Variants in RGL1 observed in about 807,000 individuals in gnomAD.
RGL1 encodes ral guanine nucleotide dissociation stimulator like 1.
A neutral mutation model predicts 95.2 loss-of-function variants in RGL1; 24 were observed. The observed-to-expected ratio is 0.25, with a 90% confidence interval of 0.18 to 0.35. The LOEUF (loss-of-function observed/expected upper bound fraction) is 0.35. Among genes scored for constraint, RGL1 ranks in the 10% least tolerant of loss-of-function variants. The pLI is 1.00. For missense variants in RGL1, 715 were observed against 936.3 expected (o/e 0.76, Z 3.08); for synonymous variants, 329 against 344.9 (o/e 0.95, Z 0.51).
chr1:183,786,003 A>G (rs1365063328), intron 2 of RGL1, among the ~76,000 whole-genome samples: 1 of 152,000 alleles, frequency 6.6e-6, no homozygotes, highest in Non-Finnish European at 1.5e-5. Context: ...GCTTGAGCCC[A>G]GGAGTTTGAT....
At chr1:183,814,135 A>G (rs193200091) in intron 2 of RGL1, among the ~76,000 whole-genome samples, 1 of 152,366 alleles carries the variant, frequency 6.6e-6, no homozygotes, top group African/African-American at 2.4e-5. Flanking sequence ...GACTAAAAGT[A>G]GAACAAGCTT....
At chr1:183,649,109 G>T (rs75901258) in intron 1 of RGL1, among the ~76,000 whole-genome samples, 1 of 152,180 alleles carries the variant, frequency 6.6e-6, no homozygotes. Context: ...ATTTGGGCTT[G>T]GCCAATTATC....
chr1:183,888,641 C>G (rs1282319721), intron 8 of RGL1, 64 bp downstream of exon 8: 21 of 971,542 alleles, frequency 2.2e-5, no homozygotes, highest in Non-Finnish European at 3.5e-5. Flanking sequence ...GTGATGAGTC[C>G]TCACCTTCAA....
chr1:183,710,720 C>T (rs557790676), intron 1 of RGL1, among the ~76,000 whole-genome samples: 1 of 152,240 alleles, frequency 6.6e-6, no homozygotes, highest in Admixed American at 6.5e-5. Context: ...TTTGAAGTAT[C>T]AGATCTCATG....
At chr1:183,727,235 T>C (rs1297197062) in intron 1 of RGL1, among the ~76,000 whole-genome samples, 1 of 152,154 alleles carries the variant, frequency 6.6e-6, no homozygotes, top group Non-Finnish European at 1.5e-5. Context: ...TTCATCTTAT[T>C]GTCATAATGG....
At position 183,866,017 on chromosome 1, in the gene RGL1, A is replaced by T; in HGVS notation, c.369A>T (p.Pro123=). The change falls in exon 4 of 18, where the codon CCA becomes CCT. Residue 123 remains proline (P), a synonymous_variant. Coordinates refer to ENST00000360851, the MANE Select transcript of RGL1 (RefSeq NM_001297671.3). ...ACAGGTATGGAAACCTGACAAGCCC[A>T]AACTGTGAAGAAGATGGAAGCCAAA... The part of the protein sequence containing the change: ...LLDRYGNLTS[P]NCEEDGSQSS... 6.2e-7 allele frequency: 1 copy of T among 1,613,968 alleles called. No individual in the cohort carries two copies. The highest frequency in any genetic ancestry group is 8.5e-7 in the Non-Finnish European group (1 of 1,179,894).
intron 14 of RGL1, among the ~76,000 whole-genome samples, chr1:183,907,763 T>C (rs1668420159): frequency 6.6e-6 from 1 of 152,172 alleles, no homozygotes; most frequent in Admixed American, 6.6e-5. Flanking sequence ...ATGCTCGCAG[T>C]TGTATTGCCT....
chr1:183,792,909 C>A (rs755240466), intron 2 of RGL1, among the ~76,000 whole-genome samples: 4 of 151,944 alleles, frequency 2.6e-5, no homozygotes, highest in Admixed American at 6.6e-5. Context: ...TAATCCCTAC[C>A]AAAATACCAA....
intron 1 of RGL1, among the ~76,000 whole-genome samples, chr1:183,658,130 C>T (rs1169956417): frequency 4.6e-5 from 7 of 152,100 alleles, no homozygotes; most frequent in African/African-American, 1.2e-4. Flanking sequence ...GCGTGAGCGA[C>T]GCAGAAGATG....
chr1:183,687,648 T>C (rs952977759), intron 1 of RGL1, among the ~76,000 whole-genome samples: 4 of 152,094 alleles, frequency 2.6e-5, no homozygotes, highest in East Asian at 1.9e-4. Flanking sequence ...GAAGAAACTT[T>C]TGCTGGTTGA....
intron 1 of RGL1, among the ~76,000 whole-genome samples, chr1:183,644,412 A>G (rs1410187295): frequency 6.6e-6 from 1 of 152,004 alleles, no homozygotes; most frequent in African/African-American, 2.4e-5. Context: ...GCTCTCACTC[A>G]ATGTTAGTAA....
At chr1:183,782,844 C>T (rs140636931) in intron 2 of RGL1, among the ~76,000 whole-genome samples, 1 of 152,110 alleles carries the variant, frequency 6.6e-6, no homozygotes, top group African/African-American at 2.4e-5. Context: ...TAGACAATGG[C>T]AAAATGAGAG....
At chr1:183,822,253 T>A (rs1303498933) in intron 2 of RGL1, among the ~76,000 whole-genome samples, 1 of 152,234 alleles carries the variant, frequency 6.6e-6, no homozygotes, top group Non-Finnish European at 1.5e-5. Context: ...ACCATGTGAC[T>A]AATGCTTCAG....
chr1:183,648,173 A>T, intron 1 of RGL1: 1 of 1,614,212 alleles, frequency 6.2e-7, no homozygotes, highest in Non-Finnish European at 8.5e-7. Flanking sequence ...CTGAGACACC[A>T]CTTATAAAGC....
At chr1:183,917,373 G>T (rs1669041615) in intron 16 of RGL1, among the ~76,000 whole-genome samples, 1 of 152,230 alleles carries the variant, frequency 6.6e-6, no homozygotes. Context: ...CCTTGGGTAT[G>T]TGAGGTCTGG....
chr1:183,871,009 C>A (rs528981316), intron 4 of RGL1, among the ~76,000 whole-genome samples: 75 of 152,320 alleles, frequency 4.9e-4, no homozygotes, highest in African/African-American at 1.8e-3. Context: ...TCAGTTTCTT[C>A]ACCTGAAAAA....
intron 2 of RGL1, among the ~76,000 whole-genome samples, chr1:183,747,621 G>A (rs982490824): frequency 3.3e-5 from 5 of 152,126 alleles, no homozygotes; most frequent in African/African-American, 1.2e-4. Context: ...CTTTTGCTGT[G>A]CAGAAGCTCT....
At chr1:183,873,975 A>AT (rs1408858150) in intron 4 of RGL1, among the ~76,000 whole-genome samples, 1 of 152,126 alleles carries the variant, frequency 6.6e-6, no homozygotes, top group Non-Finnish European at 1.5e-5. Context: ...GGCCTTAGCC[A>AT]TTTTTTTCAA....
rs1465233922 is a variant in RGL1 at position 183,724,929 on chromosome 1, G to A, written c.-32-17197G>A. 6.6e-6 allele frequency among the ~76,000 whole-genome samples: 1 copy of A among 151,630 alleles called. No homozygotes were observed. The highest frequency in any genetic ancestry group is 2.4e-5 in the African/African-American group (1 of 41,268). The stretch of plus-strand genomic sequence containing the variant: ...TCCCAGTGGTAGTGGCCACAGGGGT[G>A]GTTGTGTCATCTCTCCCCCAGCTCT... On this transcript the variant is annotated intron_variant, in intron 1 of 18. Transcript: ENST00000304685. This position sits in a 1 kb window ranked among gnomAD's most constrained non-coding sequence, Gnocchi z 4.1.
Sources: gnomAD v4.1 joint callset for allele counts (sites outside exome capture counted in the v4.1 genomes callset) on GRCh38, gnomAD v4.1.1 for gene constraint, Gnocchi (gnomAD v3.1) non-coding constraint, MANE v1.5 for transcripts, NCBI Gene and HGNC (gene_info 2026-07-23, HGNC 2026-07-21) for gene names.